USH2A: variants seen among roughly 807,000 people sequenced by gnomAD.
The protein encoded by USH2A is usherin.
USH2A carries 443 observed loss-of-function variants against 538.9 expected under a neutral mutation model. The observed-to-expected ratio is 0.82, with a 90% CI of 0.76 to 0.89. The LOEUF (loss-of-function observed/expected upper bound fraction) is 0.89, where lower values mean the gene tolerates loss of function less well. Ranked by LOEUF, USH2A falls within the 40% of genes least tolerant of loss-of-function variation. The pLI is 0.00. For synonymous variants in USH2A, 2,413 were observed against 2,273.5 expected (o/e 1.06, Z -1.75); for missense variants, 6,633 against 6,324.8 (o/e 1.05, Z -1.65).
In USH2A at chr1:215,625,747, C is replaced by T; in HGVS notation, c.*34G>A. Reference sequence around the variant, plus strand: ...CAGGAGGAAATGGGTGCAGACCTTGCATTCCAGGGTTACGTCTTCTGGGTT... The same window carrying T: ...CAGGAGGAAATGGGTGCAGACCTTGTATTCCAGGGTTACGTCTTCTGGGTT... On this transcript the variant is annotated 3_prime_UTR_variant, in exon 72 of 72. Coordinates refer to ENST00000307340, the MANE Select transcript of USH2A (RefSeq NM_206933.4). The T allele has an allele frequency of 1.3e-6, 2 of 1,597,384 alleles. No individual in the cohort carries two copies. Among genetic ancestry groups the T allele is most frequent in the Middle Eastern group, 1.7e-4 (1 of 6,036 alleles).
At chr1:215,643,539 TC>T (rs1411473861) in intron 67 of USH2A, among the ~76,000 whole-genome samples, 2 of 151,406 alleles carry the variant, frequency 1.3e-5, no homozygotes, top group East Asian at 3.9e-4. Context: ...TTTTTTTTTT[TC>T]TTAAAGACCA....
intron 21 of USH2A, among the ~76,000 whole-genome samples, chr1:216,115,677 A>C (rs566466966): frequency 9.5e-4 from 145 of 152,204 alleles, no homozygotes; most frequent in African/African-American, 3.3e-3. Flanking sequence ...AATTCCAAAC[A>C]ATTGAATAAA....
chr1:216,387,087 G>C (rs1258463585), intron 3 of USH2A, among the ~76,000 whole-genome samples: 2 of 152,136 alleles, frequency 1.3e-5, no homozygotes, highest in African/African-American at 4.8e-5. Flanking sequence ...AACAATAAAA[G>C]AGATAAAGAA....
intron 47 of USH2A, among the ~76,000 whole-genome samples, chr1:215,825,979 G>C (rs1183514385): frequency 6.6e-6 from 1 of 152,126 alleles, no homozygotes; most frequent in African/African-American, 2.4e-5. Context: ...AGCTTGACAG[G>C]GAACTCTTAA....
At chr1:215,729,477 T>C (rs191362192) in intron 60 of USH2A, among the ~76,000 whole-genome samples, 5 of 152,348 alleles carry the variant, frequency 3.3e-5, no homozygotes, top group Admixed American at 2.0e-4. Context: ...AGCACTGTTA[T>C]ATGCCCATCA....
At position 215,674,151 on chromosome 1, in the gene USH2A, T is replaced by A. The variant is rs1250694582; in HGVS notation, c.13760A>T (p.Asn4587Ile). 1.2e-5 allele frequency: 20 copies of A among 1,614,112 alleles called. No homozygotes were observed. Among genetic ancestry groups the A allele is most frequent in the Non-Finnish European group, 1.6e-5 (19 of 1,180,020 alleles). The change falls in exon 63 of 72, where the codon AAT (asparagine) becomes ATT (isoleucine). Residue 4587 changes from asparagine (N) to isoleucine (I), a missense_variant. Transcript: ENST00000307340. ...TKIIHINTTH[N>I]SFGMQSYIVN... is the part of the protein sequence containing the mutation. ...TATATATGACTGCATACCAAAAGAA[T>A]TATGAGTTGTGTTTATGTGTATGAT...
chr1:216,249,541 G>A (rs978814890), intron 12 of USH2A, among the ~76,000 whole-genome samples: 1 of 152,030 alleles, frequency 6.6e-6, no homozygotes, highest in Non-Finnish European at 1.5e-5. Context: ...TCAGCATCAT[G>A]GATAGCACAT....
chr1:216,308,459 T>C (rs1469501071), intron 9 of USH2A, among the ~76,000 whole-genome samples: 1 of 152,194 alleles, frequency 6.6e-6, no homozygotes, highest in African/African-American at 2.4e-5. Flanking sequence ...TCTTTACATG[T>C]ATATTGACCA....
chr1:216,145,775 G>A (rs1355773575), intron 21 of USH2A, among the ~76,000 whole-genome samples: 1 of 152,134 alleles, frequency 6.6e-6, no homozygotes, highest in Non-Finnish European at 1.5e-5. Context: ...TGCCTTAACT[G>A]ATGACATTAC....
chr1:216,376,568 A>G (rs2038824908), intron 3 of USH2A, among the ~76,000 whole-genome samples: 1 of 152,206 alleles, frequency 6.6e-6, no homozygotes, highest in South Asian at 2.1e-4. Context: ...CAAAATGTTT[A>G]TAGTTTTTTA....
intron 64 of USH2A, among the ~76,000 whole-genome samples, chr1:215,659,111 TA>T (rs1165081793): frequency 6.6e-6 from 1 of 152,010 alleles, no homozygotes; most frequent in Admixed American, 6.6e-5. Context: ...ACAAATAAAA[TA>T]AACAGGTTAG....
chr1:215,883,586 G>A (rs945431030), intron 41 of USH2A, among the ~76,000 whole-genome samples: 3 of 151,860 alleles, frequency 2.0e-5, no homozygotes, highest in Admixed American at 6.6e-5. Context: ...ATATGATAAA[G>A]GGATCTGTTT....
chr1:216,090,478 G>T (rs181749584), intron 22 of USH2A, among the ~76,000 whole-genome samples: 3 of 151,414 alleles, frequency 2.0e-5, no homozygotes, highest in Non-Finnish European at 2.9e-5. Context: ...AGTATGAGTG[G>T]GTTGTCTCTC....
intron 37 of USH2A, among the ~76,000 whole-genome samples, chr1:215,952,794 T>C (rs904435699): frequency 3.9e-5 from 6 of 152,230 alleles, no homozygotes; most frequent in South Asian, 2.1e-4. Context: ...CCGACCTTTC[T>C]CTATGGCTGC....
At chr1:215,827,552 C>T (rs942929192) in intron 47 of USH2A, among the ~76,000 whole-genome samples, 6 of 152,214 alleles carry the variant, frequency 3.9e-5, no homozygotes, top group African/African-American at 1.4e-4. Context: ...ATTAAGGTCT[C>T]CTTAAACAGA....
chr1:215,661,529 A>G (rs1039102227), intron 64 of USH2A, among the ~76,000 whole-genome samples: 24 of 152,114 alleles, frequency 1.6e-4, no homozygotes, highest in African/African-American at 5.8e-4. Context: ...TAGCCTCTTC[A>G]TTAAATTTTC....
Position 215,717,571 on chromosome 1 carries a change from C to T in USH2A, c.12066+10459G>A, listed in dbSNP as rs376967201. Among the ~76,000 whole-genome samples, 9 of 152,222 alleles carry T rather than the reference C, an allele frequency of 5.9e-5. No homozygotes were observed. In the East Asian group the frequency reaches 7.7e-4, roughly 13 times the overall value. Reference sequence around the variant, plus strand: ...TTTTCTTATTGTTTCTCCAAATACACGACGAGTTTCAGAGAGAAAAGACTA... The same window carrying T: ...TTTTCTTATTGTTTCTCCAAATACATGACGAGTTTCAGAGAGAAAAGACTA... On this transcript the variant is annotated intron_variant, in intron 61 of 71. Coordinates refer to ENST00000307340, the MANE Select transcript of USH2A (RefSeq NM_206933.4).
At chr1:216,118,448 T>C (rs1402996825) in intron 21 of USH2A, among the ~76,000 whole-genome samples, 2 of 152,016 alleles carry the variant, frequency 1.3e-5, no homozygotes, top group Non-Finnish European at 1.5e-5. Context: ...AGCCTTAGCA[T>C]CCTCACCTAC....
chr1:216,251,608 G>A (rs1428767573), intron 11 of USH2A, among the ~76,000 whole-genome samples: 5 of 151,694 alleles, frequency 3.3e-5, no homozygotes, highest in African/African-American at 7.3e-5. Context: ...CCGCCACCAC[G>A]CTCAGCTAAT....
Sources: allele counts gnomAD v4.1 joint callset (sites outside exome capture counted in the v4.1 genomes callset), GRCh38; gene constraint gnomAD v4.1.1; transcripts MANE v1.5; gene names NCBI Gene and HGNC (gene_info 2026-07-23, HGNC 2026-07-21).